IMMP2L: variants seen among roughly 807,000 people sequenced by gnomAD.
IMMP2L encodes the protein inner mitochondrial membrane peptidase subunit 2.
Under a neutral mutation model 19.3 loss-of-function variants are expected in IMMP2L, and 18 were observed. That is an observed-to-expected ratio of 0.93 (90% CI 0.64 to 1.38). The LOEUF is 1.38. Among genes scored for constraint, IMMP2L ranks in the 40% most tolerant of loss-of-function variants. The pLI is 0.00. For missense variants in IMMP2L, 233 were observed against 218.2 expected (o/e 1.07, Z -0.43); for synonymous variants, 76 against 73.0 (o/e 1.04, Z -0.21).
At chr7:111,044,514 T>G (rs1792199392) in intron 3 of IMMP2L, among the ~76,000 whole-genome samples, 1 of 152,152 alleles carries the variant, frequency 6.6e-6, no homozygotes, top group African/African-American at 2.4e-5. Flanking sequence ...TGAGCCGAGA[T>G]TGCACCACTG....
chr7:111,279,320 C>G (rs141964721), intron 3 of IMMP2L, among the ~76,000 whole-genome samples: 13 of 152,096 alleles, frequency 8.5e-5, no homozygotes, highest in Non-Finnish European at 1.8e-4. Flanking sequence ...GTGCCAACTT[C>G]CAGAAACTGT....
chr7:110,904,090 T>C (rs987222499), intron 4 of IMMP2L, among the ~76,000 whole-genome samples: 8 of 152,314 alleles, frequency 5.3e-5, no homozygotes, highest in Admixed American at 1.3e-4. Context: ...TGTTTTACTA[T>C]AGAGTTGTAG....
chr7:111,376,386 C>T (rs922520155), intron 3 of IMMP2L, among the ~76,000 whole-genome samples: 1 of 151,990 alleles, frequency 6.6e-6, no homozygotes, highest in Non-Finnish European at 1.5e-5. Context: ...TGGCTACAAT[C>T]AAAGAAATAG....
chr7:111,197,191 G>A (rs1314071833), intron 3 of IMMP2L, among the ~76,000 whole-genome samples: 2 of 152,054 alleles, frequency 1.3e-5, no homozygotes, highest in Non-Finnish European at 2.9e-5. Flanking sequence ...GGCTGGGCTC[G>A]GTGGCTCACG....
intron 5 of IMMP2L, among the ~76,000 whole-genome samples, chr7:110,805,916 C>A (rs144971067): frequency 6.6e-6 from 1 of 151,782 alleles, no homozygotes; most frequent in Admixed American, 6.6e-5. Flanking sequence ...GTAGAAAAAT[C>A]AAAAAGACTT....
chr7:111,255,443 GATTC>G (rs556975043), intron 3 of IMMP2L, among the ~76,000 whole-genome samples: 36 of 152,076 alleles, frequency 2.4e-4, no homozygotes, highest in African/African-American at 8.4e-4. Context: ...CACTTAAAAT[GATTC>G]ATTATAGTAT....
chr7:110,899,845 T>G (rs182998609), intron 4 of IMMP2L, among the ~76,000 whole-genome samples: 5 of 152,354 alleles, frequency 3.3e-5, no homozygotes, highest in African/African-American at 1.2e-4. Context: ...TTTTGTGCCT[T>G]GTAGAACTTT....
chr7:111,127,811 G>A (rs375964267), intron 3 of IMMP2L, among the ~76,000 whole-genome samples: 5 of 151,994 alleles, frequency 3.3e-5, no homozygotes, highest in African/African-American at 7.2e-5. Context: ...AAACACCTTG[G>A]CACAAAAATA....
At chr7:111,096,670 G>A (rs1193156041) in intron 3 of IMMP2L, among the ~76,000 whole-genome samples, 1 of 151,812 alleles carries the variant, frequency 6.6e-6, no homozygotes, top group Admixed American at 6.6e-5. Context: ...AATGAGATGA[G>A]TAAATTATTT....
intron 5 of IMMP2L, among the ~76,000 whole-genome samples, chr7:110,704,626 T>C (rs1396067046): frequency 6.6e-6 from 1 of 152,244 alleles, no homozygotes. Context: ...TAACTTTGTC[T>C]GACCCAGTTT....
chr7:111,450,409 C>G (rs1389602134), intron 3 of IMMP2L, among the ~76,000 whole-genome samples: 1 of 151,864 alleles, frequency 6.6e-6, no homozygotes, highest in African/African-American at 2.4e-5. Context: ...ACGCCGCATA[C>G]CTACAACTAT....
At chr7:111,030,912 AT>A (rs1563176411) in intron 3 of IMMP2L, among the ~76,000 whole-genome samples, 13 of 73,796 alleles carry the variant, frequency 1.8e-4, no homozygotes, top group African/African-American at 5.9e-4. Flanking sequence ...ATATATATAT[AT>A]ATATATATAT....
intron 3 of IMMP2L, among the ~76,000 whole-genome samples, chr7:111,260,090 A>G (rs1268335490): frequency 1.3e-5 from 2 of 152,206 alleles, no homozygotes; most frequent in African/African-American, 4.8e-5. Context: ...TTTAAGTAGA[A>G]GAACTACACT....
At chr7:111,285,372 T>C (rs985498369) in intron 3 of IMMP2L, among the ~76,000 whole-genome samples, 2 of 152,094 alleles carry the variant, frequency 1.3e-5, no homozygotes, top group East Asian at 1.9e-4. Context: ...AAAGACCTGA[T>C]TGAACAGAGA....
chr7:110,898,021 C>CA (rs531261377), intron 4 of IMMP2L, among the ~76,000 whole-genome samples: 33 of 146,196 alleles, frequency 2.3e-4, no homozygotes, highest in Admixed American at 4.8e-4. Flanking sequence ...AGAGCATAGA[C>CA]AAAAAAAAAG....
intron 5 of IMMP2L, among the ~76,000 whole-genome samples, chr7:110,791,531 C>T (rs1309483632): frequency 6.6e-6 from 1 of 151,674 alleles, no homozygotes; most frequent in African/African-American, 2.4e-5. Context: ...TTTATCCTAC[C>T]CATTTTTGAG....
intron 5 of IMMP2L, among the ~76,000 whole-genome samples, chr7:110,850,615 C>T (rs1269204598): frequency 3.3e-5 from 5 of 151,960 alleles, no homozygotes; most frequent in African/African-American, 1.2e-4. Context: ...CAAGAACCCT[C>T]CTGGGCTAAG....
At chr7:111,547,883 G>C (rs578171904) in intron 1 of IMMP2L, among the ~76,000 whole-genome samples, 23 of 152,176 alleles carry the variant, frequency 1.5e-4, no homozygotes, top group Non-Finnish European at 2.4e-4. Context: ...ACCACGTCCA[G>C]CTAATTTTTT....
chr7:111,273,665 G>C (rs1239350285), intron 3 of IMMP2L, among the ~76,000 whole-genome samples: 2 of 152,058 alleles, frequency 1.3e-5, no homozygotes, highest in African/African-American at 2.4e-5. Flanking sequence ...CTTCCCGAGG[G>C]AGCAAGGTCT....
Sources: gnomAD v4.1 joint callset for allele counts (sites outside exome capture counted in the v4.1 genomes callset) on GRCh38, gnomAD v4.1.1 for gene constraint, MANE v1.5 for transcripts, NCBI Gene and HGNC (gene_info 2026-07-23, HGNC 2026-07-21) for gene names.